CEACAM1: variants seen among roughly 807,000 people sequenced by gnomAD.
CEACAM1 encodes the protein CEA cell adhesion molecule 1, also known as cell adhesion molecule CEACAM1.
A neutral mutation model predicts 49.1 loss-of-function variants in CEACAM1; 31 were observed. That is an observed-to-expected ratio of 0.63 (90% confidence interval 0.47 to 0.85). The LOEUF (loss-of-function observed/expected upper bound fraction) is 0.85. Ranked by LOEUF, CEACAM1 falls within the 40% of genes least tolerant of loss-of-function variation. The pLI is 0.00. For missense variants in CEACAM1, 570 were observed against 645.3 expected, an observed-to-expected ratio of 0.88 and a Z score of 1.26; for synonymous variants, 244 against 247.8, an observed-to-expected ratio of 0.98 and a Z score of 0.14.
At chr19:42,514,022 C>G (rs1414745777) in intron 5 of CEACAM1, among the ~76,000 whole-genome samples, 1 of 137,408 alleles carries the variant, frequency 7.3e-6, no homozygotes, top group Non-Finnish European at 1.5e-5. Context: ...AGTGCAGTGG[C>G]ACAATCATGG....
Position 42,528,417 on chromosome 19 carries a change from T to TG in CEACAM1, c.-44dup. Reference sequence around the variant, plus strand: ...CTGTCTTCACCTGTGGAGGAGAGCTTGGGCTCCAGGAACGCTTCGAGCACG... The same window carrying TG: ...CTGTCTTCACCTGTGGAGGAGAGCTTGGGGCTCCAGGAACGCTTCGAGCACG... On this transcript the variant is annotated 5_prime_UTR_variant, in exon 1 of 9. Transcript: ENST00000161559. The TG allele has an allele frequency of 1.3e-6, 2 of 1,599,756 alleles. No individual in the cohort carries two copies. The highest frequency in any genetic ancestry group is 1.7e-6 in the Non-Finnish European group (2 of 1,167,200).
chr19:42,512,042 C>T (rs1055183875), intron 6 of CEACAM1, among the ~76,000 whole-genome samples: 1 of 152,040 alleles, frequency 6.6e-6, no homozygotes, highest in Non-Finnish European at 1.5e-5. Context: ...TCTCCTGCTG[C>T]TTCTTTCATT....
At chr19:42,509,282 C>A in intron 8 of CEACAM1, 54 bp from the exon 9 acceptor site, 4 of 1,550,880 alleles carry the variant, frequency 2.6e-6, no homozygotes, top group Non-Finnish European at 2.6e-6. Flanking sequence ...CAGGGCCTCA[C>A]CTTGCCTGGT....
chr19:42,526,115 C>T (rs951578699), intron 2 of CEACAM1, among the ~76,000 whole-genome samples: 1 of 152,010 alleles, frequency 6.6e-6, no homozygotes, highest in African/African-American at 2.4e-5. Flanking sequence ...ACCACCATGC[C>T]CGGCTAATTT....
intron 6 of CEACAM1, 85 bp downstream of exon 6, chr19:42,512,265 C>G: frequency 6.6e-7 from 1 of 1,526,080 alleles, no homozygotes; most frequent in African/African-American, 1.4e-5. Context: ...GATCCAGGCC[C>G]AGAGACAGGC....
At position 42,521,439 on chromosome 19, in the gene CEACAM1, G is replaced by A. The variant is rs1407070055; in HGVS notation, c.786C>T (p.Ala262=). The change falls in exon 4 of 9, where the codon GCC becomes GCT. Residue 262 remains alanine (A), a synonymous_variant. Transcript: ENST00000161559. ...AGGAGTACTGTGCAGGTGGGTTAGAGGCTGCATAGCAGGAGAGGCTGAGGT... is the reference window on the plus strand; with the variant it reads ...AGGAGTACTGTGCAGGTGGGTTAGAAGCTGCATAGCAGGAGAGGCTGAGGT... ...GANLSLSCYA[A]SNPPAQYSWL... is the part of the protein sequence containing the mutation. 5 of 1,614,232 alleles carry A rather than the reference G, an allele frequency of 3.1e-6. No individual in the cohort carries two copies. The African/African-American group carries it at 5.3e-5, about 17-fold the overall frequency.
chr19:42,524,949 A>AG (rs1243435361), intron 2 of CEACAM1, among the ~76,000 whole-genome samples: 1 of 152,006 alleles, frequency 6.6e-6, no homozygotes, highest in East Asian at 1.9e-4. Context: ...CAGTCTCTGG[A>AG]GGGATGGGGA....
chr19:42,520,510 G>A (rs1351353868), intron 4 of CEACAM1: 2 of 152,234 alleles, frequency 1.3e-5, no homozygotes, highest in Admixed American at 1.3e-4. Context: ...CTAGTGGCAT[G>A]TGCAACCATG....
intron 5 of CEACAM1, chr19:42,514,978 T>C: frequency 1.5e-6 from 1 of 652,022 alleles, no homozygotes; most frequent in East Asian, 2.9e-5. Flanking sequence ...ATCTTTAAAA[T>C]AACACTATGG....
At position 42,507,706 on chromosome 19, in the gene CEACAM1, A is replaced by G. The variant is rs534300698; in HGVS notation, c.*1403T>C. On this transcript the variant is annotated 3_prime_UTR_variant, in exon 9 of 9. Coordinates refer to ENST00000161559, the MANE Select transcript of CEACAM1 (RefSeq NM_001712.5). ...ATTTCAGAGGCTGTTAAAAGAGGCTAGGCCTAAGTTATAATCCTCCTCCTC... is the reference window on the plus strand; with the variant it reads ...ATTTCAGAGGCTGTTAAAAGAGGCTGGGCCTAAGTTATAATCCTCCTCCTC... 6.6e-6 allele frequency: 1 copy of G among 152,372 alleles called. No individual in the cohort carries two copies. The highest frequency in any genetic ancestry group is 6.5e-5 in the Admixed American group (1 of 15,300). 9.4% of individuals were successfully genotyped at this position (152,372 alleles called of 1,614,324 possible).
At position 42,509,229 on chromosome 19, in the gene CEACAM1, C is replaced by A; in HGVS notation, c.1462-1G>T. 6.2e-7 allele frequency: 1 copy of A among 1,605,578 alleles called. No homozygotes were observed. The highest frequency in any genetic ancestry group is 8.5e-7 in the Non-Finnish European group (1 of 1,175,644). On this transcript the variant is annotated splice_acceptor_variant, in intron 8 of 8. Transcript: ENST00000161559. LOFTEE classifies it high-confidence loss of function. The stretch of plus-strand genomic sequence containing the variant: ...GGGTAGAATAAGTAACTTCATTCAT[C>A]TGAAAAGCACAAATAATGATCAGTT...
chr19:42,528,435 C>G lies in CEACAM1; in HGVS notation c.-61G>C. 6.5e-7 allele frequency: 1 copy of G among 1,530,764 alleles called. No homozygotes were observed. 94.8% of individuals were successfully genotyped at this position (1,530,764 alleles called of 1,614,324 possible). ...GAGAGCTTGGGCTCCAGGAACGCTT[C>G]GAGCACGGCTGCTCTGTCACCTCTG... On this transcript the variant is annotated 5_prime_UTR_variant, in exon 1 of 9. Transcript: ENST00000161559.
Position 42,528,300 on chromosome 19 carries a change from C to T in CEACAM1, c.64+11G>A, listed in dbSNP as rs747980235. 1.2e-6 allele frequency: 2 copies of T among 1,612,428 alleles called. No individual in the cohort carries two copies. Among genetic ancestry groups the T allele is most frequent in the African/African-American group, 1.3e-5 (1 of 74,970 alleles). On this transcript the variant is annotated intron_variant, in intron 1 of 8. Transcript: ENST00000161559. Reference sequence around the variant, plus strand: ...CTCTTTCCGCCCCTTCCCAGGGTGTCCTCCCCTCACCTGTGAGCAGAAGCC... The same window carrying T: ...CTCTTTCCGCCCCTTCCCAGGGTGTTCTCCCCTCACCTGTGAGCAGAAGCC...
chr19:42,527,053 A>T lies in CEACAM1; in HGVS notation c.412T>A (p.Phe138Ile), dbSNP rs1305026878. The change falls in exon 2 of 9, where the codon TTC becomes ATC. Residue 138 changes from phenylalanine (F) to isoleucine (I), a missense_variant. Phe to Ile is a conservative substitution (Grantham distance 21, BLOSUM62 0). Transcript: ENST00000161559. ...DLVNEEATGQ[F>I]HVYPELPKPS... ...GGGAAATACTCACGGTATACATGGA[A>T]CTGTCCAGTTGCTTCTTCATTCACA... 6 of 1,603,576 alleles carry T rather than the reference A, an allele frequency of 3.7e-6. No individual in the cohort carries two copies. The South Asian group carries it at 5.6e-5, about 15-fold the overall frequency.
chr19:42,507,574 A>T lies in CEACAM1; in HGVS notation c.*1535T>A, dbSNP rs2041365391. ...AAACCTTTCTCTTAGCCCCAAAGAG[A>T]TTCCATCTGTGTAGAAGACTGGGTG... On this transcript the variant is annotated 3_prime_UTR_variant, in exon 9 of 9. Coordinates refer to ENST00000161559, the MANE Select transcript of CEACAM1 (RefSeq NM_001712.5). 2 of 152,218 alleles carry T rather than the reference A, an allele frequency of 1.3e-5. No homozygotes were observed. The highest frequency in any genetic ancestry group is 1.3e-4 in the Admixed American group (2 of 15,284). 9.4% of individuals were successfully genotyped at this position (152,218 alleles called of 1,614,324 possible).
intron 2 of CEACAM1, among the ~76,000 whole-genome samples, chr19:42,526,543 G>A (rs1209680926): frequency 2.0e-5 from 3 of 152,172 alleles, no homozygotes; most frequent in Non-Finnish European, 2.9e-5. Flanking sequence ...CACAGCCCTC[G>A]GATAGCTCAA....
At chr19:42,514,932 G>A in intron 5 of CEACAM1, 1 of 602,378 alleles carries the variant, frequency 1.7e-6, no homozygotes, top group Middle Eastern at 4.3e-4. Context: ...TTTCCTCTGT[G>A]TGTGGTGTTT....
chr19:42,523,485 T>C (rs950401471), intron 2 of CEACAM1, among the ~76,000 whole-genome samples: 2 of 152,240 alleles, frequency 1.3e-5, no homozygotes, highest in Non-Finnish European at 2.9e-5. Flanking sequence ...AGGGGCTGCC[T>C]GGATTTAACA....
At chr19:42,516,448 G>A (rs1434066858) in intron 5 of CEACAM1, among the ~76,000 whole-genome samples, 4 of 151,980 alleles carry the variant, frequency 2.6e-5, no homozygotes, top group Non-Finnish European at 5.9e-5. Flanking sequence ...TAACCAAAGA[G>A]GTGAAAGATT....
Sources: allele counts gnomAD v4.1 joint callset (sites outside exome capture counted in the v4.1 genomes callset), GRCh38; gene constraint gnomAD v4.1.1; transcripts MANE v1.5; gene names NCBI Gene and HGNC (gene_info 2026-07-23, HGNC 2026-07-21).